The following MYL1 variants were observed in gnomAD, a reference collection of about 807,000 sequenced individuals.
MYL1 encodes myosin light chain 1, also known as myosin light chain 1/3, skeletal muscle isoform.
Under a neutral mutation model 21.8 loss-of-function variants are expected in MYL1, and 16 were observed. That is an observed-to-expected ratio of 0.74 (90% confidence interval 0.50 to 1.12). MYL1 has a LOEUF of 1.12. Among genes scored for constraint, MYL1 ranks in the 50% most tolerant of loss-of-function variants. The pLI, the probability that MYL1 is intolerant of heterozygous loss-of-function variation, is 0.00. For missense variants in MYL1, 246 were observed against 241.0 expected, an observed-to-expected ratio of 1.02 and a Z score of -0.14; for synonymous variants, 99 against 85.2, an observed-to-expected ratio of 1.16 and a Z score of -0.89.
chr2:210,293,881 C>A (rs1013070370), intron 4 of MYL1, 81 bp from the exon 5 acceptor site: 5 of 1,218,878 alleles, frequency 4.1e-6, no homozygotes, highest in Non-Finnish European at 6.0e-6. Context: ...GTCAAGGGCT[C>A]TGGAGACTAA....
At chr2:210,306,720 CTT>C (rs747993827) in intron 1 of MYL1, among the ~76,000 whole-genome samples, 13 of 143,008 alleles carry the variant, frequency 9.1e-5, no homozygotes, top group East Asian at 2.0e-4. Context: ...CTCTGGCACA[CTT>C]TTTTTTTTTT....
chr2:210,310,153 TA>T (rs1256906433), intron 1 of MYL1, among the ~76,000 whole-genome samples: 6 of 152,082 alleles, frequency 3.9e-5, no homozygotes, highest in African/African-American at 1.4e-4. Context: ...ACAGTTGTAT[TA>T]AAAATTAATT....
chr2:210,303,190 T>A (rs1690290509), intron 1 of MYL1, among the ~76,000 whole-genome samples: 1 of 152,190 alleles, frequency 6.6e-6, no homozygotes, highest in South Asian at 2.1e-4. Context: ...AGCAGTTTAC[T>A]TAGTTTTAGC....
At chr2:210,290,684 T>G (rs1203944994) in intron 6 of MYL1, among the ~76,000 whole-genome samples, 1 of 152,212 alleles carries the variant, frequency 6.6e-6, no homozygotes, top group African/African-American at 2.4e-5. Flanking sequence ...TAAAAACTAC[T>G]TTGGTTATCC....
chr2:210,300,863 C>T (rs993358824), intron 2 of MYL1, among the ~76,000 whole-genome samples: 1 of 152,032 alleles, frequency 6.6e-6, no homozygotes, highest in Admixed American at 6.6e-5. Context: ...GAACAAAATT[C>T]TTTAACCACT....
intron 5 of MYL1, among the ~76,000 whole-genome samples, chr2:210,292,171 C>T (rs1276022222): frequency 5.9e-5 from 9 of 152,306 alleles, no homozygotes; most frequent in Admixed American, 6.5e-5. Context: ...CGGGTTCAAG[C>T]GATTCTCGTG....
intron 1 of MYL1, among the ~76,000 whole-genome samples, chr2:210,314,301 A>G (rs1231299425): frequency 5.9e-5 from 9 of 152,198 alleles, no homozygotes; most frequent in Non-Finnish European, 1.3e-4. Flanking sequence ...AATAAACAAG[A>G]TGACAGTTAC....
chr2:210,309,938 A>G (rs1173221503), intron 1 of MYL1, among the ~76,000 whole-genome samples: 3 of 152,088 alleles, frequency 2.0e-5, no homozygotes, highest in Non-Finnish European at 4.4e-5. Context: ...ATTATCCATC[A>G]AAATATAATT....
intron 1 of MYL1, among the ~76,000 whole-genome samples, chr2:210,308,116 T>C (rs1448316676): frequency 6.6e-6 from 1 of 151,902 alleles, no homozygotes; most frequent in Non-Finnish European, 1.5e-5. Flanking sequence ...AAAGGCTAAA[T>C]AAAGAAGCTA....
At chr2:210,312,929 A>C (rs1449714720) in intron 1 of MYL1, among the ~76,000 whole-genome samples, 1 of 151,752 alleles carries the variant, frequency 6.6e-6, no homozygotes, top group Non-Finnish European at 1.5e-5. Context: ...ACACAATATT[A>C]AGCTTGTACA....
chr2:210,304,617 A>G (rs1690311956), intron 1 of MYL1, among the ~76,000 whole-genome samples: 1 of 152,194 alleles, frequency 6.6e-6, no homozygotes, highest in Non-Finnish European at 1.5e-5. Flanking sequence ...ATCACAGCTC[A>G]CTGCAGCCTT....
chr2:210,306,250 A>G (rs1368835875), intron 1 of MYL1, among the ~76,000 whole-genome samples: 3 of 151,630 alleles, frequency 2.0e-5, no homozygotes, highest in Admixed American at 6.6e-5. Flanking sequence ...GCCTGGTGAC[A>G]TACGCCCATA....
intron 1 of MYL1, 48 bp downstream of exon 1, chr2:210,314,863 A>G (rs371346710): frequency 4.1e-5 from 66 of 1,605,552 alleles, no homozygotes; most frequent in Non-Finnish European, 5.1e-5. Context: ...AGAGATCCTT[A>G]CTATTGAAAG....
At chr2:210,296,669 A>G (rs1168925907) in intron 3 of MYL1, among the ~76,000 whole-genome samples, 7 of 152,156 alleles carry the variant, frequency 4.6e-5, no homozygotes, top group African/African-American at 1.4e-4. Flanking sequence ...GGTGGTGCAC[A>G]TCTGTAGTCT....
chr2:210,298,486 G>A lies in MYL1; in HGVS notation c.238C>T (p.Arg80Ter), dbSNP rs1309787392. Residue 80 changes from arginine (R) to a stop codon, truncating the protein, a stop_gained, in exon 3 of 7, where the codon CGA becomes TGA. Coordinates refer to ENST00000352451, the MANE Select transcript of MYL1 (RefSeq NM_079420.3). LOFTEE classifies it high-confidence loss of function. ...TTGGTGGGATTTGTGCCCAGAGCTC[G>A]AAGGACATCACCGACCTGGCTTAAG... ...ITLSQVGDVL[R>*]ALGTNPTNAE... The A allele has an allele frequency of 1.1e-5, 17 of 1,613,904 alleles. No individual in the cohort carries two copies. Among genetic ancestry groups the A allele is most frequent in the Admixed American group, 5.0e-5 (3 of 59,968 alleles).
chr2:210,292,052 T>C (rs1427757443), intron 5 of MYL1, among the ~76,000 whole-genome samples: 1 of 152,152 alleles, frequency 6.6e-6, no homozygotes, highest in Non-Finnish European at 1.5e-5. Context: ...TGAAAAATGA[T>C]ATCTCAGTGT....
intron 2 of MYL1, among the ~76,000 whole-genome samples, chr2:210,301,540 C>G (rs1690265403): frequency 6.6e-6 from 1 of 151,902 alleles, no homozygotes; most frequent in South Asian, 2.1e-4. Context: ...TATAGACATA[C>G]TACTTATGAC....
intron 1 of MYL1, chr2:210,302,972 A>T (rs1690287752): frequency 8.2e-6 from 5 of 607,134 alleles, no homozygotes; most frequent in Middle Eastern, 4.5e-4. Flanking sequence ...GCAAAAGATA[A>T]TTAGGGAATA....
intron 5 of MYL1, 143 bp downstream of exon 5, chr2:210,293,580 C>A (rs1036226510): frequency 1.3e-5 from 9 of 672,642 alleles, no homozygotes; most frequent in Non-Finnish European, 2.4e-5. Flanking sequence ...ATGTTCAGAT[C>A]CTCACATATC....
Sources: allele counts gnomAD v4.1 joint callset (sites outside exome capture counted in the v4.1 genomes callset), GRCh38; gene constraint gnomAD v4.1.1; transcripts MANE v1.5; gene names NCBI Gene and HGNC (gene_info 2026-07-23, HGNC 2026-07-21).